ARPC2: variants seen among roughly 807,000 people sequenced by gnomAD.
The protein encoded by ARPC2 is actin related protein 2/3 complex subunit 2, also known as actin-related protein 2/3 complex subunit 2.
A neutral mutation model predicts 38.6 loss-of-function variants in ARPC2; 4 were observed. The ratio of observed to expected loss-of-function variants is 0.10; its 90% CI spans 0.05 to 0.24. The LOEUF is 0.24. Among genes scored for constraint, ARPC2 ranks in the 10% least tolerant of loss-of-function variants. ARPC2 has a pLI of 1.00. For missense variants in ARPC2, 229 were observed against 387.3 expected (o/e 0.59, Z 3.43); for synonymous variants, 125 against 140.8 (o/e 0.89, Z 0.79).
rs763110460 is a variant in ARPC2, at chr2:218,228,742, C to T, written c.114C>T (p.Phe38=). ...PEAVEVTFAD[F]DGVLYHISNP... ...TCTTATTTGCTTTCCTCACAGATTT[C>T]GATGGGGTCCTCTATCATATTTCAA... is the stretch of plus-strand genomic sequence containing the variant. The change falls in exon 4 of 11, where the codon TTC becomes TTT. Residue 38 remains phenylalanine, a synonymous_variant. Coordinates refer to ENST00000315717, the MANE Select transcript of ARPC2 (RefSeq NM_152862.3). 17 of 1,575,726 alleles carry T rather than the reference C, an allele frequency of 1.1e-5. No individual in the cohort carries two copies. The highest frequency in any genetic ancestry group is 3.3e-5 in the South Asian group (3 of 90,058).
At position 218,228,811 on chromosome 2, in the gene ARPC2, G is replaced by A; in HGVS notation, c.183G>A (p.Leu61=). 6.2e-7 allele frequency: 1 copy of A among 1,610,350 alleles called. No individual in the cohort carries two copies. The highest frequency in any genetic ancestry group is 8.5e-7 in the Non-Finnish European group (1 of 1,176,662). The change falls in exon 4 of 11, where the codon TTG becomes TTA. Residue 61 remains leucine (L), a synonymous_variant. Coordinates refer to ENST00000315717, the MANE Select transcript of ARPC2 (RefSeq NM_152862.3). ...DKTKVMVSIS[L]KFYKELQAHG... ...CAAAAGTGATGGTCAGTATTTCTTT[G>A]AAATTCTACAAGGAACTTCAGGCAC...
intron 7 of ARPC2, among the ~76,000 whole-genome samples, chr2:218,240,491 G>T (rs1689886978): frequency 6.6e-6 from 1 of 152,130 alleles, no homozygotes. Context: ...CCAATTATTT[G>T]GTAGTAGATA....
chr2:218,243,386 G>A (rs1000017988), intron 7 of ARPC2, among the ~76,000 whole-genome samples: 2 of 152,210 alleles, frequency 1.3e-5, no homozygotes, highest in African/African-American at 4.8e-5. Flanking sequence ...GTATAACAAA[G>A]ATGCCAATGA....
chr2:218,241,681 T>G (rs1289827168), intron 7 of ARPC2, among the ~76,000 whole-genome samples: 1 of 152,248 alleles, frequency 6.6e-6, no homozygotes, highest in Non-Finnish European at 1.5e-5. Context: ...TAGGAGAATT[T>G]TGTGTATTCT....
Position 218,234,388 on chromosome 2 carries a change from C to G in ARPC2, c.259C>G (p.Pro87Ala). 1.2e-6 allele frequency: 2 copies of G among 1,606,562 alleles called. No individual in the cohort carries two copies. Among genetic ancestry groups the G allele is most frequent in the Non-Finnish European group, 1.7e-6 (2 of 1,174,318 alleles). Reference sequence around the variant, plus strand: ...GGTGTACGGGAGTTTCTTGGTAAATCCAGAATCAGGTATGTAGTCATGTGA... The same window carrying G: ...GGTGTACGGGAGTTTCTTGGTAAATGCAGAATCAGGTATGTAGTCATGTGA... Reference protein sequence around the residue: ...KRVYGSFLVNPESGYNVSLLY... With the variant: ...KRVYGSFLVNAESGYNVSLLY... The change falls in exon 5 of 11, where the codon CCA becomes GCA. Residue 87 changes from proline (P) to alanine (A), a missense_variant. By Grantham distance (27) the Pro-to-Ala change is conservative (BLOSUM62 -1). Transcript: ENST00000315717.
At chr2:218,231,108 G>C (rs1433575557) in intron 4 of ARPC2, among the ~76,000 whole-genome samples, 1 of 152,118 alleles carries the variant, frequency 6.6e-6, no homozygotes, top group Non-Finnish European at 1.5e-5. Context: ...ACCAACCCAT[G>C]ATAACCACAG....
intron 7 of ARPC2, among the ~76,000 whole-genome samples, chr2:218,241,266 T>C (rs986502657): frequency 6.6e-6 from 1 of 152,220 alleles, no homozygotes; most frequent in African/African-American, 2.4e-5. Context: ...AAAAGTGATA[T>C]TCTCAACTGC....
intron 4 of ARPC2, among the ~76,000 whole-genome samples, chr2:218,232,389 C>T (rs1689655895): frequency 6.6e-6 from 1 of 151,946 alleles, no homozygotes; most frequent in African/African-American, 2.4e-5. Flanking sequence ...AACAGAATAC[C>T]ACAGACTGAA....
At chr2:218,246,776 A>G (rs1424164890) in intron 8 of ARPC2, among the ~76,000 whole-genome samples, 1 of 151,970 alleles carries the variant, frequency 6.6e-6, no homozygotes, top group Non-Finnish European at 1.5e-5. Context: ...TTCGAGACCA[A>G]CCTGGCCAAC....
intron 10 of ARPC2, among the ~76,000 whole-genome samples, chr2:218,253,566 C>G (rs759389805): frequency 1.3e-5 from 2 of 152,160 alleles, no homozygotes; most frequent in African/African-American, 4.8e-5. Flanking sequence ...TGAGCCTAGT[C>G]GGAAATTCAG....
chr2:218,219,631 T>G (rs1689339787), intron 2 of ARPC2, among the ~76,000 whole-genome samples: 1 of 152,212 alleles, frequency 6.6e-6, no homozygotes, highest in Admixed American at 6.5e-5. Context: ...ATTACAGCAC[T>G]GCTCCTTTCC....
At chr2:218,234,066 G>C (rs937506883) in intron 4 of ARPC2, 1 of 229,864 alleles carries the variant, frequency 4.4e-6, no homozygotes, top group Non-Finnish European at 8.5e-6. Context: ...CTACTTGGGA[G>C]GCTCAGGCAG....
chr2:218,217,205 T>TGGC lies in ARPC2; in HGVS notation c.-42_-40dup, dbSNP rs894642575. 3.1e-4 allele frequency: 132 copies of TGGC among 431,382 alleles called. No homozygotes were observed. Among genetic ancestry groups the TGGC allele is most frequent in the African/African-American group, 6.8e-4 (32 of 46,920 alleles). The allele number at this position is 431,382 out of a possible 1,614,324, so 26.7% of individuals were successfully genotyped here. ...ACCGGGCTTGTCGGTGAAGCGGCAG[T>TGGC]GGCGGCGGCGGCGGCGGCTCGGCAG... is the stretch of plus-strand genomic sequence containing the variant. On this transcript the variant is annotated 5_prime_UTR_variant, in exon 1 of 11. Transcript: ENST00000315717.
intron 4 of ARPC2, among the ~76,000 whole-genome samples, chr2:218,232,845 G>C (rs1478645123): frequency 6.6e-6 from 1 of 151,902 alleles, no homozygotes; most frequent in African/African-American, 2.4e-5. Flanking sequence ...CAAAGTGCTG[G>C]GATTACAGGC....
At chr2:218,237,414 G>A (rs1423951246) in intron 5 of ARPC2, among the ~76,000 whole-genome samples, 1 of 151,880 alleles carries the variant, frequency 6.6e-6, no homozygotes, top group African/African-American at 2.4e-5. Context: ...GGCCAGGCAG[G>A]TCTCGAACTC....
intron 2 of ARPC2, among the ~76,000 whole-genome samples, chr2:218,222,359 A>G (rs1195184590): frequency 6.6e-6 from 1 of 152,170 alleles, no homozygotes; most frequent in Non-Finnish European, 1.5e-5. Context: ...ATGAGATAAT[A>G]CAGTTGCCAG....
chr2:218,227,271 T>C (rs1438309478), intron 3 of ARPC2, among the ~76,000 whole-genome samples: 1 of 151,930 alleles, frequency 6.6e-6, no homozygotes, highest in African/African-American at 2.4e-5. Context: ...TGCAGAAAGA[T>C]AGAACCGAAA....
rs1481696369 is a variant in ARPC2 at position 218,238,935 on chromosome 2, C to CT, written c.455+88dup. The CT allele has an allele frequency of 6.2e-6, 7 of 1,125,034 alleles. No individual in the cohort carries two copies. The African/African-American group carries it at 1.1e-4, about 18-fold the overall frequency. 69.7% of individuals were successfully genotyped at this position (1,125,034 alleles called of 1,614,324 possible). A position where few individuals can be genotyped will look rare whatever the true frequency, so the allele number is the denominator to read the frequency against. On this transcript the variant is annotated intron_variant, in intron 6 of 10. Coordinates refer to ENST00000315717, the MANE Select transcript of ARPC2 (RefSeq NM_152862.3). ...CTGAAAGAAATATGGCTTGGTCAAA[C>CT]TTTCAGCTGTATTGCGTGAAAATGT...
At chr2:218,253,667 C>T (rs1690248373) in intron 10 of ARPC2, among the ~76,000 whole-genome samples, 1 of 152,166 alleles carries the variant, frequency 6.6e-6, no homozygotes, top group Non-Finnish European at 1.5e-5. Flanking sequence ...CACTGATATT[C>T]CCGGGCATCC....
Sources: gnomAD v4.1 joint callset for allele counts (sites outside exome capture counted in the v4.1 genomes callset) on GRCh38, gnomAD v4.1.1 for gene constraint, MANE v1.5 for transcripts, NCBI Gene and HGNC (gene_info 2026-07-23, HGNC 2026-07-21) for gene names.